GALNT2: variants seen among roughly 807,000 people sequenced by gnomAD.
The protein encoded by GALNT2 is polypeptide N-acetylgalactosaminyltransferase 2.
Under a neutral mutation model 81.4 loss-of-function variants are expected in GALNT2, and 31 were observed. That is an observed-to-expected ratio of 0.38 (90% CI 0.29 to 0.51). The LOEUF (loss-of-function observed/expected upper bound fraction) is 0.51. Among genes scored for constraint, GALNT2 ranks in the 20% least tolerant of loss-of-function variants. The probability of loss-of-function intolerance (pLI) is 0.87; values close to 1 mark genes in which losing one functional copy is unlikely to be tolerated. For missense variants in GALNT2, 629 were observed against 765.7 expected (o/e 0.82, Z 2.11); for synonymous variants, 303 against 287.4 (o/e 1.05, Z -0.55).
chr1:230,148,785 C>T (rs1002227665), intron 1 of GALNT2, among the ~76,000 whole-genome samples: 1 of 152,048 alleles, frequency 6.6e-6, no homozygotes, highest in Non-Finnish European at 1.5e-5. Context: ...CAGGGTTTCG[C>T]TCTATTGCCC....
chr1:230,070,783 G>A lies in GALNT2; in HGVS notation c.126+3377G>A, dbSNP rs1208617430. Among the ~76,000 whole-genome samples the A allele has an allele frequency of 6.6e-6, 1 of 152,216 alleles. No homozygotes were observed. The highest frequency in any genetic ancestry group is 1.5e-5 in the Non-Finnish European group (1 of 68,040). ...TACACATGGAGGGGAACGTTAGGGT[G>A]TAAAGTTGGAGAAATTCAGAACTAA... is the stretch of plus-strand genomic sequence containing the variant. On this transcript the variant is annotated intron_variant, in intron 1 of 15. Coordinates refer to ENST00000366672, the MANE Select transcript of GALNT2 (RefSeq NM_004481.5). This position sits in a 1 kb window ranked among gnomAD's most constrained non-coding sequence, Gnocchi z 4.7.
At chr1:230,147,780 C>T (rs945418269) in intron 1 of GALNT2, among the ~76,000 whole-genome samples, 7 of 152,220 alleles carry the variant, frequency 4.6e-5, no homozygotes, top group African/African-American at 1.7e-4. Context: ...GCTTCTGTCT[C>T]CTGAGTGAGG....
At chr1:230,115,280 A>G (rs1159329866) in intron 1 of GALNT2, among the ~76,000 whole-genome samples, 2 of 152,192 alleles carry the variant, frequency 1.3e-5, no homozygotes, top group Non-Finnish European at 2.9e-5. Context: ...CTGGGATTAC[A>G]GGAGGGTTCA....
intron 3 of GALNT2, among the ~76,000 whole-genome samples, chr1:230,215,958 C>A (rs1272340799): frequency 6.6e-6 from 1 of 152,232 alleles, no homozygotes; most frequent in African/African-American, 2.4e-5. Context: ...GGCAGACTTT[C>A]AGCTTCCAGT....
intron 1 of GALNT2, among the ~76,000 whole-genome samples, chr1:230,141,828 T>C (rs1370069018): frequency 7.2e-6 from 1 of 139,568 alleles, no homozygotes; most frequent in East Asian, 2.2e-4. Flanking sequence ...GGTCTCGCTC[T>C]ATTGTCCAGG....
rs1660967041 is a variant in GALNT2 at position 230,120,078 on chromosome 1, T to C, written c.126+52672T>C. On this transcript the variant is annotated intron_variant, in intron 1 of 15. Transcript: ENST00000366672. ...GCGGCCTGCTTTCCTGTTCCTCCCC[T>C]GTGCCCTCGGCACCTGGCCGGAGCA... 2.0e-5 allele frequency among the ~76,000 whole-genome samples: 3 copies of C among 149,300 alleles called. No individual in the cohort carries two copies. In the South Asian group the frequency reaches 6.6e-4, roughly 33 times the overall value.
intron 8 of GALNT2, 58 bp downstream of exon 8, chr1:230,246,208 C>A: frequency 8.1e-7 from 1 of 1,230,946 alleles, no homozygotes; most frequent in Non-Finnish European, 1.2e-6. Context: ...AGCATCTGAT[C>A]ACCACTCCCT....
chr1:230,077,901 G>T (rs1659612386), intron 1 of GALNT2, among the ~76,000 whole-genome samples: 1 of 152,210 alleles, frequency 6.6e-6, no homozygotes, highest in Non-Finnish European at 1.5e-5. Flanking sequence ...CCATGATTTG[G>T]TTTTTAGGGA....
intron 1 of GALNT2, among the ~76,000 whole-genome samples, chr1:230,080,331 T>C (rs1051734619): frequency 6.6e-6 from 1 of 152,228 alleles, no homozygotes; most frequent in African/African-American, 2.4e-5. Flanking sequence ...CTGATGTGTG[T>C]TCAGAGTCGG....
At chr1:230,185,007 C>G (rs749136123) in intron 2 of GALNT2, among the ~76,000 whole-genome samples, 14 of 152,166 alleles carry the variant, frequency 9.2e-5, no homozygotes, top group Non-Finnish European at 2.1e-4. Context: ...CTCAGCATGT[C>G]ATGTCTGCTA....
intron 1 of GALNT2, chr1:230,092,176 G>GTTTTT (rs1553311874): frequency 7.1e-5 from 3 of 42,256 alleles, no homozygotes; most frequent in Non-Finnish European, 1.3e-4. Context: ...TATTCCTTTA[G>GTTTTT]TTTTTTTTTT....
At chr1:230,067,833 C>T (rs1055208474) in intron 1 of GALNT2, among the ~76,000 whole-genome samples, 1 of 152,216 alleles carries the variant, frequency 6.6e-6, no homozygotes, top group Non-Finnish European at 1.5e-5. Flanking sequence ...AGTTTCTTTT[C>T]AGCCCTTTGA....
intron 1 of GALNT2, among the ~76,000 whole-genome samples, chr1:230,086,788 T>A (rs954676690): frequency 6.6e-6 from 1 of 152,176 alleles, no homozygotes; most frequent in Admixed American, 6.5e-5. Context: ...TCCGTCATGC[T>A]GTTTGTGCTA....
At chr1:230,250,042 T>C (rs1452835427) in intron 9 of GALNT2, among the ~76,000 whole-genome samples, 1 of 152,228 alleles carries the variant, frequency 6.6e-6, no homozygotes, top group Admixed American at 6.5e-5. Context: ...GAGCTGGTGC[T>C]GTGGAGCATT....
chr1:230,248,180 C>T (rs916337176), intron 8 of GALNT2, among the ~76,000 whole-genome samples: 7 of 152,200 alleles, frequency 4.6e-5, no homozygotes, highest in Non-Finnish European at 7.3e-5. Context: ...AACCCTCACC[C>T]GCCATCCTTC....
rs1463729743 is a variant in GALNT2, at chr1:230,249,122, G to A, written c.818-62G>A. 5.0e-6 allele frequency: 7 copies of A among 1,407,256 alleles called. No individual in the cohort carries two copies. The East Asian group carries it at 6.9e-5, about 14-fold the overall frequency. 87.2% of individuals were successfully genotyped at this position (1,407,256 alleles called of 1,614,324 possible). The stretch of plus-strand genomic sequence containing the variant: ...GAATATTTTTAAGCTGTGAGGAATG[G>A]GGGTGTCGGGAGGAAGTGGCCAGTC... On this transcript the variant is annotated intron_variant, in intron 8 of 15. Coordinates refer to ENST00000366672, the MANE Select transcript of GALNT2 (RefSeq NM_004481.5).
At chr1:230,132,932 C>G (rs1470695400) in intron 1 of GALNT2, among the ~76,000 whole-genome samples, 1 of 152,154 alleles carries the variant, frequency 6.6e-6, no homozygotes, top group African/African-American at 2.4e-5. Context: ...AAAAATACAG[C>G]CTAGCATAAG....
chr1:230,208,553 T>C (rs1277795776), intron 3 of GALNT2, among the ~76,000 whole-genome samples: 1 of 152,176 alleles, frequency 6.6e-6, no homozygotes, highest in African/African-American at 2.4e-5. Context: ...GGATGGTATT[T>C]AAAACCGTGA....
chr1:230,080,431 G>C (rs951997729), intron 1 of GALNT2, among the ~76,000 whole-genome samples: 6 of 152,232 alleles, frequency 3.9e-5, no homozygotes, highest in Non-Finnish European at 7.3e-5. Context: ...GTCCCAAGCA[G>C]TGGTGCTCTG....
Sources: gnomAD v4.1 joint callset for allele counts (sites outside exome capture counted in the v4.1 genomes callset) on GRCh38, gnomAD v4.1.1 for gene constraint, Gnocchi (gnomAD v3.1) non-coding constraint, MANE v1.5 for transcripts, NCBI Gene and HGNC (gene_info 2026-07-23, HGNC 2026-07-21) for gene names.